The following CASP6 variants were observed in gnomAD, a reference collection of about 807,000 sequenced individuals.
CASP6 encodes caspase 6.
Under a neutral mutation model 31.8 loss-of-function variants are expected in CASP6, and 20 were observed. That is an observed-to-expected ratio of 0.63 (90% CI 0.44 to 0.91). The LOEUF is 0.91. CASP6 is among the 40% of genes least tolerant of loss of function. The probability of loss-of-function intolerance (pLI) is 0.00; values close to 1 mark genes in which losing one functional copy is unlikely to be tolerated. For synonymous variants in CASP6, 130 were observed against 127.8 expected (o/e 1.02, Z -0.12); for missense variants, 328 against 361.1 (o/e 0.91, Z 0.74).
chr4:109,673,874 C>T, the CASP6 span: 2 of 771,724 alleles, frequency 2.6e-6, no homozygotes, highest in Non-Finnish European at 2.4e-6. Context: ...TCTCTTCCTT[C>T]ATATGAGGAA....
downstream of CASP6, among the ~76,000 whole-genome samples, chr4:109,683,830 A>G (rs185636073): frequency 1.0e-3 from 153 of 152,314 alleles, no homozygotes; most frequent in Middle Eastern, 6.8e-3. Flanking sequence ...GCTGAGTCAA[A>G]TAGGCCTCTA....
At chr4:109,684,739 AATTACTGCC>A, downstream of CASP6, 1 of 652,054 alleles carries the variant, frequency 1.5e-6, no homozygotes, top group Non-Finnish European at 2.7e-6. Flanking sequence ...TTATTTACTG[AATTACTGCC>A]ATCTGGTTTT....
the CASP6 span, among the ~76,000 whole-genome samples, chr4:109,679,089 G>C: frequency 6.7e-6 from 1 of 148,612 alleles, no homozygotes; most frequent in Non-Finnish European, 1.5e-5. Context: ...TTCCCATTAG[G>C]GGCAGCCGGG....
chr4:109,692,507 C>T (rs1363625230), intron 5 of CASP6: 3 of 152,156 alleles, frequency 2.0e-5, no homozygotes, highest in African/African-American at 7.2e-5. Flanking sequence ...TTCCAATTCT[C>T]TTGTGTTTGA....
chr4:109,707,171 CT>C (rs1730637691), upstream of CASP6, among the ~76,000 whole-genome samples: 1 of 152,180 alleles, frequency 6.6e-6, no homozygotes, highest in Admixed American at 6.5e-5. Context: ...TTCATATGCA[CT>C]GGGAAACCAG....
rs5030574 is a variant in CASP6, at chr4:109,694,269, G to A, written c.483+256C>T. Among the ~76,000 whole-genome samples the A allele has an allele frequency of 8.1e-3, 1,236 of 152,236 alleles. 18 individuals carry two copies. The highest frequency in any genetic ancestry group is 0.027 in the African/African-American group (1,112 of 41,540). ...AATGGCTCTCCTTGGTATCAGGCTC[G>A]GACAGGGAGTAGCACATTGGTTACT... On this transcript the variant is annotated intron_variant, in intron 5 of 6. Transcript: ENST00000265164.
At chr4:109,685,331 G>A (rs765178657), downstream of CASP6, 20 of 1,578,660 alleles carry the variant, frequency 1.3e-5, no homozygotes, top group East Asian at 4.5e-4. Flanking sequence ...ACTTTGATGT[G>A]CAGCAATACA....
chr4:109,674,472 C>G, the CASP6 span, among the ~76,000 whole-genome samples: 4 of 152,224 alleles, frequency 2.6e-5, no homozygotes, highest in Admixed American at 2.6e-4. Context: ...CAGAATCTCA[C>G]ATATTTTGGA....
chr4:109,703,531 G>A, upstream of CASP6: 1 of 1,137,806 alleles, frequency 8.8e-7, no homozygotes, highest in Non-Finnish European at 1.2e-6. Flanking sequence ...GGTTCTGATT[G>A]CGCGCCGCCC....
the CASP6 span, among the ~76,000 whole-genome samples, chr4:109,676,659 T>C: frequency 3.3e-5 from 5 of 152,250 alleles, no homozygotes; most frequent in African/African-American, 1.2e-4. Flanking sequence ...AGTACCAATT[T>C]TCTGTCTTAA....
chr4:109,701,124 C>CT (rs953728874), intron 1 of CASP6, among the ~76,000 whole-genome samples: 10 of 150,878 alleles, frequency 6.6e-5, no homozygotes, highest in Non-Finnish European at 1.3e-4. Context: ...CACCCAGCTA[C>CT]TTTTTTTTTG....
chr4:109,700,818 A>G (rs936015536), intron 1 of CASP6, among the ~76,000 whole-genome samples: 3 of 152,222 alleles, frequency 2.0e-5, no homozygotes, highest in Non-Finnish European at 4.4e-5. Context: ...CTAAGTTCCA[A>G]TACTTTTCTG....
chr4:109,706,638 A>G (rs1730625041), upstream of CASP6, among the ~76,000 whole-genome samples: 1 of 152,210 alleles, frequency 6.6e-6, no homozygotes, highest in Non-Finnish European at 1.5e-5. Context: ...TGAATGGAAC[A>G]ATCAATGGAT....
the CASP6 span, among the ~76,000 whole-genome samples, chr4:109,665,234 T>C: frequency 6.6e-6 from 1 of 152,232 alleles, no homozygotes; most frequent in East Asian, 1.9e-4. Flanking sequence ...ATCATCTTGT[T>C]TTTATTAATC....
the CASP6 span, among the ~76,000 whole-genome samples, chr4:109,683,508 C>G: frequency 0.071 from 10,820 of 152,228 alleles, 1,286 homozygotes; most frequent in African/African-American, 0.25. Flanking sequence ...TTTCCTCCCA[C>G]CCTGTCCTCC....
At chr4:109,678,454 A>G in the CASP6 span, among the ~76,000 whole-genome samples, 20 of 101,896 alleles carry the variant, frequency 2.0e-4, no homozygotes, top group East Asian at 3.2e-4. Context: ...GCGGGCAGAG[A>G]CGCTCCTCAC....
the CASP6 span, among the ~76,000 whole-genome samples, chr4:109,683,443 G>A: frequency 1.3e-5 from 2 of 152,014 alleles, no homozygotes; most frequent in African/African-American, 4.8e-5. Context: ...TACCATTTTA[G>A]TTTTTTCTTT....
At chr4:109,684,917 A>T, downstream of CASP6, 1 of 382,552 alleles carries the variant, frequency 2.6e-6, no homozygotes, top group East Asian at 4.2e-5. Flanking sequence ...TTATAAAAAA[A>T]ACTGAATTTG....
chr4:109,666,673 A>G, the CASP6 span, among the ~76,000 whole-genome samples: 41 of 152,164 alleles, frequency 2.7e-4, no homozygotes, highest in African/African-American at 9.6e-4. Context: ...TATGTTTGGG[A>G]TAACGGTCTT....
Sources: gnomAD v4.1 joint callset for allele counts (sites outside exome capture counted in the v4.1 genomes callset) on GRCh38, gnomAD v4.1.1 for gene constraint, MANE v1.5 for transcripts, NCBI Gene and HGNC (gene_info 2026-07-23, HGNC 2026-07-21) for gene names.